The following PUM2 variants were observed in gnomAD, a reference collection of about 807,000 sequenced individuals.
The protein encoded by PUM2 is pumilio RNA binding family member 2, also known as pumilio homolog 2.
Under a neutral mutation model 124.5 loss-of-function variants are expected in PUM2, and 57 were observed. That is an observed-to-expected ratio of 0.46 (90% CI 0.37 to 0.57). The LOEUF (loss-of-function observed/expected upper bound fraction) is 0.57. Ranked by LOEUF, PUM2 falls within the 20% of genes least tolerant of loss-of-function variation. The pLI is 0.00. For missense variants in PUM2, 1,065 were observed against 1,290.6 expected (o/e 0.83, Z 2.68); for synonymous variants, 460 against 446.1 (o/e 1.03, Z -0.39).
At chr2:20,299,477 C>A (rs1476325148) in intron 7 of PUM2, among the ~76,000 whole-genome samples, 1 of 151,980 alleles carries the variant, frequency 6.6e-6, no homozygotes, top group Non-Finnish European at 1.5e-5. Context: ...CCGGCCTGGT[C>A]TTGAACACAG....
chr2:20,329,051 G>C (rs980860646), intron 1 of PUM2, among the ~76,000 whole-genome samples: 3 of 151,866 alleles, frequency 2.0e-5, no homozygotes, highest in Admixed American at 6.6e-5. Flanking sequence ...CATGCCTGTG[G>C]TCCCAGCAAC....
At chr2:20,256,290 A>T in intron 16 of PUM2, 120 bp from the exon 17 acceptor site, 20 of 888,364 alleles carry the variant, frequency 2.3e-5, no homozygotes, top group Non-Finnish European at 3.0e-5. Flanking sequence ...TCAGTATTAA[A>T]AATACTGAGA....
intron 1 of PUM2, chr2:20,350,373 G>T (rs891235254): frequency 4.1e-6 from 3 of 737,562 alleles, no homozygotes; most frequent in Non-Finnish European, 5.0e-6. Flanking sequence ...GCGGGAAAGC[G>T]GCCGGCGCGG....
At chr2:20,315,862 A>G (rs1297350615) in intron 3 of PUM2, among the ~76,000 whole-genome samples, 1 of 149,538 alleles carries the variant, frequency 6.7e-6, no homozygotes, top group Admixed American at 6.7e-5. Context: ...AAAAAAACAA[A>G]CCAAAAAACA....
chr2:20,279,031 A>T (rs1670908759), intron 12 of PUM2, among the ~76,000 whole-genome samples: 3 of 152,144 alleles, frequency 2.0e-5, no homozygotes, highest in African/African-American at 7.2e-5. Context: ...TACTTAACAG[A>T]GCAGTCATAT....
chr2:20,321,974 C>T (rs1233083546), intron 2 of PUM2, among the ~76,000 whole-genome samples: 1 of 151,306 alleles, frequency 6.6e-6, no homozygotes, highest in Non-Finnish European at 1.5e-5. Context: ...CCCAGGCATG[C>T]TGCATCAAAA....
chr2:20,251,765 G>T (rs376088574), intron 20 of PUM2, 49 bp from the exon 21 acceptor site: 2 of 1,587,142 alleles, frequency 1.3e-6, no homozygotes, highest in South Asian at 1.1e-5. Context: ...TTTAGTTTCT[G>T]ATTTCTTAAA....
chr2:20,280,818 T>A (rs749780564), intron 12 of PUM2, among the ~76,000 whole-genome samples: 1 of 152,170 alleles, frequency 6.6e-6, no homozygotes, highest in Non-Finnish European at 1.5e-5. Context: ...GAAAAAAGGC[T>A]AAATTATAAA....
At chr2:20,324,898 G>A (rs1297146222) in intron 2 of PUM2, among the ~76,000 whole-genome samples, 2 of 148,290 alleles carry the variant, frequency 1.3e-5, no homozygotes, top group Non-Finnish European at 3.0e-5. Flanking sequence ...TTTAAAGAAA[G>A]TCAAGACAAG....
intron 2 of PUM2, among the ~76,000 whole-genome samples, chr2:20,322,400 C>T (rs1450157026): frequency 6.6e-6 from 1 of 151,890 alleles, no homozygotes; most frequent in Non-Finnish European, 1.5e-5. Flanking sequence ...CTGGCCAACA[C>T]TGTGAGACCC....
At chr2:20,342,209 T>A (rs1687367767) in intron 1 of PUM2, among the ~76,000 whole-genome samples, 1 of 151,932 alleles carries the variant, frequency 6.6e-6, no homozygotes, top group Admixed American at 6.6e-5. Context: ...GAATGCATGG[T>A]CTGAGACAAC....
chr2:20,311,356 A>T (rs1464344981), intron 5 of PUM2, 138 bp downstream of exon 5: 2 of 1,050,630 alleles, frequency 1.9e-6, no homozygotes, highest in Non-Finnish European at 2.6e-6. Context: ...ATAGTAAAAA[A>T]CTAAAATTTG....
In PUM2 at chr2:20,350,795, GAC is replaced by G. The variant is rs1307554708; in HGVS notation, c.-219_-218del. 2.0e-5 allele frequency: 20 copies of G among 980,680 alleles called. No homozygotes were observed. The highest frequency in any genetic ancestry group is 1.9e-4 in the South Asian group (4 of 21,124). 60.7% of individuals were successfully genotyped at this position (980,680 alleles called of 1,614,324 possible). A position where few individuals can be genotyped will look rare whatever the true frequency, so the allele number is the denominator to read the frequency against. On this transcript the variant is annotated 5_prime_UTR_variant, in exon 1 of 21. Coordinates refer to ENST00000361078, the MANE Select transcript of PUM2 (RefSeq NM_015317.5). Reference sequence around the variant, plus strand: ...CGAACCACCGAAGTACCGAGGGTGAGACACAGAGACTCACAACAACATGGCTG... The same window carrying G: ...CGAACCACCGAAGTACCGAGGGTGAGACAGAGACTCACAACAACATGGCTG...
intron 7 of PUM2, 82 bp downstream of exon 7, chr2:20,307,896 T>A (rs1281891001): frequency 6.6e-7 from 1 of 1,525,020 alleles, no homozygotes; most frequent in Admixed American, 1.8e-5. Flanking sequence ...TAACAAAACC[T>A]CACCAATCAG....
chr2:20,253,750 A>T (rs1664059871), intron 20 of PUM2, 72 bp downstream of exon 20: 2 of 1,335,416 alleles, frequency 1.5e-6, no homozygotes, highest in Non-Finnish European at 2.0e-6. Context: ...AGGAAATGAA[A>T]GCCCAAGGAG....
intron 13 of PUM2, among the ~76,000 whole-genome samples, chr2:20,264,367 AATATATATATATATATAT>A (rs1553362304): frequency 2.4e-3 from 63 of 26,616 alleles, no homozygotes; most frequent in East Asian, 0.015. Context: ...AAAAAAAAAA[AATATATATATATATATAT>A]ATATATATAT....
rs541797561 is a variant in PUM2 at position 20,292,592 on chromosome 2, C to T, written c.1152+1784G>A. 6.3e-3 allele frequency among the ~76,000 whole-genome samples: 959 copies of T among 151,434 alleles called. 8 individuals carry two copies. The highest frequency in any genetic ancestry group is 8.8e-3 in the Non-Finnish European group (595 of 67,890). ...GGCCAGGCTGGTCTCTAACTCCTGA[C>T]CTCAAGTGATCCACTGCACCCGGCC... On this transcript the variant is annotated intron_variant, in intron 9 of 20. Transcript: ENST00000361078.
intron 13 of PUM2, among the ~76,000 whole-genome samples, chr2:20,274,099 G>A (rs1669628416): frequency 6.6e-6 from 1 of 152,196 alleles, no homozygotes; most frequent in South Asian, 2.1e-4. Context: ...TCACTGGTTT[G>A]GGAAAGTCTA....
intron 14 of PUM2, among the ~76,000 whole-genome samples, chr2:20,261,891 A>G (rs1489176717): frequency 2.0e-5 from 1 of 50,090 alleles, no homozygotes; most frequent in African/African-American, 1.2e-4. Flanking sequence ...ATGTTACAGT[A>G]AGCTCAGCCT....
Sources: allele counts gnomAD v4.1 joint callset (sites outside exome capture counted in the v4.1 genomes callset), GRCh38; gene constraint gnomAD v4.1.1; transcripts MANE v1.5; gene names NCBI Gene and HGNC (gene_info 2026-07-23, HGNC 2026-07-21).